The following DPP6 variants were observed in gnomAD, a reference collection of about 807,000 sequenced individuals.
The protein encoded by DPP6 is A-type potassium channel modulatory protein DPP6.
Under a neutral mutation model 122.6 loss-of-function variants are expected in DPP6, and 69 were observed. The ratio of observed to expected loss-of-function variants is 0.56; its 90% confidence interval spans 0.46 to 0.69. The LOEUF (loss-of-function observed/expected upper bound fraction) is 0.69, where lower values mean the gene tolerates loss of function less well. Ranked by LOEUF, DPP6 falls within the 30% of genes least tolerant of loss-of-function variation. The pLI, the probability that DPP6 is intolerant of heterozygous loss-of-function variation, is 0.00. For synonymous variants in DPP6, 418 were observed against 433.1 expected (o/e 0.97, Z 0.43); for missense variants, 928 against 1,116.9 (o/e 0.83, Z 2.41).
chr7:154,369,055 A>G (rs1669462717), intron 1 of DPP6, among the ~76,000 whole-genome samples: 1 of 152,202 alleles, frequency 6.6e-6, no homozygotes, highest in South Asian at 2.1e-4. Flanking sequence ...ATTTAGGCCT[A>G]GAAGCTAATC....
At chr7:154,075,967 A>G (rs1338852219) in intron 1 of DPP6, among the ~76,000 whole-genome samples, 2 of 151,928 alleles carry the variant, frequency 1.3e-5, no homozygotes, top group Admixed American at 6.6e-5. Context: ...ATATGCATAT[A>G]CCACTTTAAA....
intron 3 of DPP6, among the ~76,000 whole-genome samples, chr7:154,523,187 G>A (rs76491092): frequency 0.028 from 4,320 of 152,252 alleles, 96 homozygotes; most frequent in East Asian, 0.087. Flanking sequence ...AAAGGGGGAA[G>A]GAAGACATTA....
chr7:154,886,727 C>G (rs1319643641), intron 22 of DPP6, among the ~76,000 whole-genome samples: 1 of 152,146 alleles, frequency 6.6e-6, no homozygotes, highest in Admixed American at 6.5e-5. Context: ...GTTGGAGGAA[C>G]GAGTCCAGCC....
intron 6 of DPP6, among the ~76,000 whole-genome samples, chr7:154,641,614 A>G (rs1202096278): frequency 6.6e-6 from 1 of 152,156 alleles, no homozygotes; most frequent in Non-Finnish European, 1.5e-5. Context: ...TTATCTATCT[A>G]CCTAGCTTTC....
chr7:154,686,409 A>G (rs56057212), intron 7 of DPP6, among the ~76,000 whole-genome samples: 43,208 of 149,998 alleles, frequency 0.29, 6,772 homozygotes, highest in Middle Eastern at 0.36. Context: ...CAAGGCCACC[A>G]TAAGGATTTT....
chr7:154,202,239 TCTC>T (rs1799212825), intron 1 of DPP6, among the ~76,000 whole-genome samples: 1 of 152,132 alleles, frequency 6.6e-6, no homozygotes, highest in Non-Finnish European at 1.5e-5. Flanking sequence ...GCGCTGGGTC[TCTC>T]CTCATAGGGT....
chr7:154,198,465 C>A (rs531091939), intron 1 of DPP6, among the ~76,000 whole-genome samples: 2 of 152,012 alleles, frequency 1.3e-5, no homozygotes, highest in Non-Finnish European at 2.9e-5. Context: ...GTGTGTGCCA[C>A]CACACCTGGC....
intron 1 of DPP6, among the ~76,000 whole-genome samples, chr7:154,436,381 T>C (rs1259749976): frequency 1.3e-5 from 2 of 151,942 alleles, no homozygotes; most frequent in African/African-American, 4.8e-5. Flanking sequence ...CAGAGCACCC[T>C]TGCTTGCCCC....
chr7:154,639,543 A>G (rs1226961785), intron 6 of DPP6, among the ~76,000 whole-genome samples: 1 of 152,222 alleles, frequency 6.6e-6, no homozygotes, highest in Non-Finnish European at 1.5e-5. Context: ...CTCTAAAAGC[A>G]GTTGATGCCT....
intron 3 of DPP6, among the ~76,000 whole-genome samples, chr7:154,523,836 A>C (rs1476038197): frequency 1.3e-5 from 2 of 152,186 alleles, no homozygotes; most frequent in Admixed American, 6.5e-5. Context: ...TAATGGGCAA[A>C]AGAGGTGACC....
intron 1 of DPP6, among the ~76,000 whole-genome samples, chr7:153,969,487 C>A (rs1428794557): frequency 1.4e-5 from 2 of 147,076 alleles, no homozygotes; most frequent in Non-Finnish European, 2.9e-5. Flanking sequence ...TTGCTTCTAA[C>A]AGATGCATCA....
chr7:154,742,749 G>A (rs113264755), intron 8 of DPP6, among the ~76,000 whole-genome samples: 2 of 152,346 alleles, frequency 1.3e-5, no homozygotes, highest in African/African-American at 4.8e-5. Flanking sequence ...TTCTATGCCA[G>A]GACAAAGAAG....
At chr7:153,883,924 A>C (rs1316693442), upstream of DPP6, among the ~76,000 whole-genome samples, 3 of 152,208 alleles carry the variant, frequency 2.0e-5, no homozygotes, top group Admixed American at 1.3e-4. Flanking sequence ...AACAAGTAGC[A>C]GGACTGGACG....
At chr7:154,673,138 A>C (rs765621854) in intron 7 of DPP6, among the ~76,000 whole-genome samples, 6 of 152,218 alleles carry the variant, frequency 3.9e-5, no homozygotes, top group Non-Finnish European at 5.9e-5. Flanking sequence ...CTATTAAGTG[A>C]TGCCAAGCAA....
chr7:154,220,920 G>C lies in DPP6; in HGVS notation c.243+167857G>C, dbSNP rs533997802. Reference sequence around the variant, plus strand: ...TTCTGTGAGTGGGTTTTGGGGGGCTGCTTTCTTCCTTATTTCATGGTAGTC... The same window carrying C: ...TTCTGTGAGTGGGTTTTGGGGGGCTCCTTTCTTCCTTATTTCATGGTAGTC... On this transcript the variant is annotated intron_variant, in intron 1 of 25. Coordinates refer to ENST00000377770, the MANE Select transcript of DPP6 (RefSeq NM_130797.4). 6.6e-5 allele frequency among the ~76,000 whole-genome samples: 10 copies of C among 152,232 alleles called. No individual in the cohort carries two copies. The East Asian group carries it at 1.9e-3, about 29-fold the overall frequency.
chr7:154,143,685 CTT>C (rs1241913727), intron 1 of DPP6, among the ~76,000 whole-genome samples: 1 of 151,630 alleles, frequency 6.6e-6, no homozygotes, highest in Non-Finnish European at 1.5e-5. Flanking sequence ...AATGGTGTGA[CTT>C]TATTCTGTAA....
chr7:154,854,383 T>C (rs1243553047), intron 17 of DPP6, among the ~76,000 whole-genome samples: 1 of 151,410 alleles, frequency 6.6e-6, no homozygotes, highest in African/African-American at 2.4e-5. Flanking sequence ...CCCGTGGGGG[T>C]TTATAGCCAG....
intron 4 of DPP6, among the ~76,000 whole-genome samples, chr7:154,561,170 A>G (rs115539797): frequency 0.011 from 1,661 of 152,302 alleles, 28 homozygotes; most frequent in African/African-American, 0.034. Flanking sequence ...GATCCCAACA[A>G]TCCTCTCTGA....
chr7:154,837,493 G>A (rs562318138), intron 16 of DPP6, among the ~76,000 whole-genome samples: 12 of 152,348 alleles, frequency 7.9e-5, no homozygotes, highest in African/African-American at 2.4e-4. Flanking sequence ...GGAATTGAGC[G>A]CCCAGGAGCC....
Sources: allele counts gnomAD v4.1 joint callset (sites outside exome capture counted in the v4.1 genomes callset), GRCh38; gene constraint gnomAD v4.1.1; transcripts MANE v1.5; gene names NCBI Gene and HGNC (gene_info 2026-07-23, HGNC 2026-07-21).